The following DCTN4 variants were observed in gnomAD, a reference collection of about 807,000 sequenced individuals.
The protein encoded by DCTN4 is dynactin subunit 4.
In DCTN4, 23 loss-of-function variants were observed where a neutral mutation model predicts 62.7. That is an observed-to-expected ratio of 0.37 (90% CI 0.26 to 0.52). DCTN4 has a LOEUF of 0.52. DCTN4 is among the 20% of genes least tolerant of loss of function. The pLI is 0.92. For missense variants in DCTN4, 514 were observed against 580.4 expected (o/e 0.89, Z 1.18); for synonymous variants, 199 against 202.1 (o/e 0.98, Z 0.13).
At chr5:150,754,954 C>A (rs537662477) in intron 2 of DCTN4, among the ~76,000 whole-genome samples, 2 of 145,704 alleles carry the variant, frequency 1.4e-5, no homozygotes, top group Admixed American at 1.3e-4. Context: ...CAAAGTGAGA[C>A]CCTGTCTCAA....
intron 3 of DCTN4, among the ~76,000 whole-genome samples, chr5:150,748,453 C>G (rs1047828511): frequency 2.1e-4 from 32 of 152,026 alleles, no homozygotes; most frequent in Non-Finnish European, 3.1e-4. Flanking sequence ...ACCCAAAGAA[C>G]TATAAATCAT....
At chr5:150,717,006 CAGA>C (rs1459489572) in intron 11 of DCTN4, among the ~76,000 whole-genome samples, 1 of 144,330 alleles carries the variant, frequency 6.9e-6, no homozygotes, top group Non-Finnish European at 1.5e-5. Flanking sequence ...CATTAAAAAG[CAGA>C]AGAAAAAAAA....
rs1431166302 is a variant in DCTN4, at chr5:150,710,529, G to C, written c.*620C>G. On this transcript the variant is annotated 3_prime_UTR_variant, in exon 13 of 13. Coordinates refer to ENST00000447998, the MANE Select transcript of DCTN4 (RefSeq NM_016221.4). ...CGTGTCCTGTATTCACTTAGAAAAA[G>C]AGGGCAAATGAGAGTGCCTTAACAA... 6.5e-6 allele frequency: 1 copy of C among 152,924 alleles called. No homozygotes were observed. Among genetic ancestry groups the C allele is most frequent in the Non-Finnish European group, 1.5e-5 (1 of 68,478 alleles). The allele number at this position is 152,924 out of a possible 1,614,324, so 9.5% of individuals were successfully genotyped here.
chr5:150,733,538 A>C, intron 4 of DCTN4, 63 bp from the exon 5 acceptor site: 1 of 1,143,698 alleles, frequency 8.7e-7, no homozygotes, highest in South Asian at 1.3e-5. Context: ...AAATTAATCA[A>C]CTACACTGAC....
At chr5:150,755,493 T>G (rs1752827525) in intron 2 of DCTN4, 1 of 456,026 alleles carries the variant, frequency 2.2e-6, no homozygotes, top group South Asian at 1.5e-5. Flanking sequence ...TCATAAGTAT[T>G]TACCCTTGAT....
intron 12 of DCTN4, among the ~76,000 whole-genome samples, chr5:150,712,192 C>CA (rs1390882951): frequency 6.6e-6 from 1 of 152,102 alleles, no homozygotes; most frequent in Non-Finnish European, 1.5e-5. Context: ...TGCAGTGGCG[C>CA]AATCTTGGCT....
chr5:150,753,683 C>T (rs1752759175), intron 2 of DCTN4, 26 bp from the exon 3 acceptor site: 17 of 1,594,236 alleles, frequency 1.1e-5, no homozygotes, highest in Non-Finnish European at 1.4e-5. Context: ...CACAACCATT[C>T]ATTCAACAAA....
rs1395648514 is a variant in DCTN4 at position 150,731,600 on chromosome 5, A to G, written c.538-111T>C. 4 of 818,304 alleles carry G rather than the reference A, an allele frequency of 4.9e-6. No homozygotes were observed. The East Asian group carries it at 1.0e-4, about 21-fold the overall frequency. 50.7% of individuals were successfully genotyped at this position (818,304 alleles called of 1,614,324 possible). On this transcript the variant is annotated intron_variant, in intron 5 of 12. Transcript: ENST00000447998. Reference sequence around the variant, plus strand: ...TGAGAAGCTCAGGGAAATAAGCAAAAAAAAAGCTAATCTAAAGGCTTCTTT... The same window carrying G: ...TGAGAAGCTCAGGGAAATAAGCAAAGAAAAAGCTAATCTAAAGGCTTCTTT...
At chr5:150,753,388 TC>T in intron 3 of DCTN4, 90 bp downstream of exon 3, 1 of 1,170,560 alleles carries the variant, frequency 8.5e-7, no homozygotes, top group Non-Finnish European at 1.2e-6. Flanking sequence ...TTAGCTCCTA[TC>T]GCCCCAACGG....
intron 5 of DCTN4, chr5:150,731,708 T>C: frequency 1.5e-6 from 1 of 665,646 alleles, no homozygotes; most frequent in Non-Finnish European, 2.6e-6. Context: ...GAAACTATAT[T>C]AATACAGTAA....
intron 4 of DCTN4, among the ~76,000 whole-genome samples, chr5:150,736,125 CA>C (rs1159867645): frequency 1.3e-5 from 2 of 151,830 alleles, no homozygotes; most frequent in African/African-American, 4.8e-5. Flanking sequence ...ATTAAGCTAC[CA>C]AAACTAAGAA....
chr5:150,711,015 C>G lies in DCTN4; in HGVS notation c.*134G>C. 1.1e-6 allele frequency: 1 copy of G among 903,006 alleles called. No homozygotes were observed. The highest frequency in any genetic ancestry group is 1.7e-6 in the Non-Finnish European group (1 of 591,860). 55.9% of individuals were successfully genotyped at this position (903,006 alleles called of 1,614,324 possible). ...TCCCAATGCCTTGCCTATGCTCCCA[C>G]TTTCTTAGCAATAGAATTCCGTAGT... On this transcript the variant is annotated 3_prime_UTR_variant, in exon 13 of 13. Transcript: ENST00000447998.
intron 4 of DCTN4, 121 bp downstream of exon 4, chr5:150,741,993 T>C (rs1221728405): frequency 1.2e-6 from 1 of 844,686 alleles, no homozygotes; most frequent in Non-Finnish European, 2.0e-6. Flanking sequence ...ACTGTCTATG[T>C]GCAAAGACGT....
chr5:150,718,133 A>G (rs1364042671), intron 11 of DCTN4, 143 bp downstream of exon 11: 2 of 573,408 alleles, frequency 3.5e-6, no homozygotes, highest in Non-Finnish European at 3.1e-6. Context: ...TTCAGGATAA[A>G]GTAAAAAAAT....
chr5:150,723,099 A>AT, intron 8 of DCTN4, 119 bp from the exon 9 acceptor site: 1 of 693,648 alleles, frequency 1.4e-6, no homozygotes. Flanking sequence ...TTGTTCTGCT[A>AT]TAAGACCATA....
intron 8 of DCTN4, among the ~76,000 whole-genome samples, chr5:150,729,751 A>G (rs1760290601): frequency 6.6e-6 from 1 of 152,038 alleles, no homozygotes; most frequent in Admixed American, 6.5e-5. Flanking sequence ...CTTCCAGAGT[A>G]GCTGGGACTA....
At chr5:150,750,668 G>A (rs191070300) in intron 3 of DCTN4, among the ~76,000 whole-genome samples, 2 of 152,298 alleles carry the variant, frequency 1.3e-5, no homozygotes, top group South Asian at 2.1e-4. Flanking sequence ...GATATATACA[G>A]TATGTTTTCA....
At chr5:150,713,074 G>A (rs1041764707) in intron 12 of DCTN4, among the ~76,000 whole-genome samples, 3 of 152,186 alleles carry the variant, frequency 2.0e-5, no homozygotes, top group Non-Finnish European at 4.4e-5. Context: ...GCAAGGATTT[G>A]AGAGAACACA....
intron 3 of DCTN4, among the ~76,000 whole-genome samples, chr5:150,744,978 T>C (rs1442383060): frequency 6.6e-6 from 1 of 151,212 alleles, no homozygotes. Context: ...ATGCTCCAAT[T>C]AAAAGACACA....
Sources: gnomAD v4.1 joint callset for allele counts (sites outside exome capture counted in the v4.1 genomes callset) on GRCh38, gnomAD v4.1.1 for gene constraint, MANE v1.5 for transcripts, NCBI Gene and HGNC (gene_info 2026-07-23, HGNC 2026-07-21) for gene names.